Variants in DPP6 observed in about 807,000 individuals in gnomAD.
DPP6 encodes A-type potassium channel modulatory protein DPP6.
A neutral mutation model predicts 122.6 loss-of-function variants in DPP6; 69 were observed. That is an observed-to-expected ratio of 0.56 (90% confidence interval 0.46 to 0.69). The LOEUF (loss-of-function observed/expected upper bound fraction) is 0.69. Ranked by LOEUF, DPP6 falls within the 30% of genes least tolerant of loss-of-function variation. The pLI is 0.00. For synonymous variants in DPP6, 418 were observed against 433.1 expected, an observed-to-expected ratio of 0.97 and a Z score of 0.43; for missense variants, 928 against 1,116.9, an observed-to-expected ratio of 0.83 and a Z score of 2.41.
At chr7:154,093,775 G>A (rs1805103257) in intron 1 of DPP6, 1 of 152,212 alleles carries the variant, frequency 6.6e-6, no homozygotes, top group African/African-American at 2.4e-5. Flanking sequence ...CAGGCGTGAG[G>A]CAGGGAGGCG....
chr7:153,980,250 G>T (rs1048539387), intron 1 of DPP6, among the ~76,000 whole-genome samples: 6 of 151,944 alleles, frequency 3.9e-5, no homozygotes, highest in African/African-American at 1.5e-4. Context: ...TCAGGGATTT[G>T]ACTTCTTCGT....
chr7:154,769,609 T>G, intron 9 of DPP6, 38 bp downstream of exon 9: 4 of 1,522,604 alleles, frequency 2.6e-6, no homozygotes, highest in Non-Finnish European at 3.5e-6. Context: ...TTCTTTATAT[T>G]ATTCATGAAC....
Position 154,062,698 on chromosome 7 carries a change from C to T in DPP6, c.243+9635C>T, listed in dbSNP as rs1193809922. Among the ~76,000 whole-genome samples the T allele has an allele frequency of 1.2e-4, 8 of 66,266 alleles. 1 individual carries two copies. The highest frequency in any genetic ancestry group is 5.7e-4 in the Admixed American group (4 of 7,008). The allele number at this position is 66,266 out of a possible 152,430, so 43.5% of individuals were successfully genotyped here. ...GGGGACTGAGAGCTATCCTCTCTTC[C>T]GCACCTGGCTGTTGGTACCCCCATC... is the stretch of plus-strand genomic sequence containing the variant. On this transcript the variant is annotated intron_variant, in intron 1 of 25. Transcript: ENST00000377770.
intron 7 of DPP6, among the ~76,000 whole-genome samples, chr7:154,682,346 C>T (rs74618183): frequency 0.015 from 2,235 of 152,350 alleles, 53 homozygotes; most frequent in African/African-American, 0.051. Flanking sequence ...AACTTCTTGT[C>T]TTTCCAAGGA....
Position 154,313,712 on chromosome 7 carries a change from T to TATATATATATATATATATTC in DPP6, c.244-132499_244-132498insTATATATATATATATTCATA, listed in dbSNP as rs1554515587. ...ATATATATATATATATATATATATA[T>TATATATATATATATATATTC]ATACACACACACGCACGCACACACA... is the stretch of plus-strand genomic sequence containing the variant. On this transcript the variant is annotated intron_variant, in intron 1 of 25. Transcript: ENST00000377770. 2.0e-4 allele frequency among the ~76,000 whole-genome samples: 5 copies of TATATATATATATATATATTC among 24,922 alleles called. 1 individual carries two copies. Among genetic ancestry groups the TATATATATATATATATATTC allele is most frequent in the South Asian group, 4.8e-3 (2 of 416 alleles). The allele number at this position is 24,922 out of a possible 152,430, so 16.3% of individuals were successfully genotyped here.
chr7:154,401,530 T>C (rs964838636), intron 1 of DPP6, among the ~76,000 whole-genome samples: 1 of 152,230 alleles, frequency 6.6e-6, no homozygotes, highest in African/African-American at 2.4e-5. Context: ...AGATCCTTTC[T>C]GCTGAGCCAA....
intron 5 of DPP6, chr7:154,587,914 G>A (rs776454786): frequency 1.9e-6 from 3 of 1,612,920 alleles, no homozygotes; most frequent in East Asian, 2.2e-5. Flanking sequence ...GAGAGTCCCA[G>A]GAGGCAGGAC....
the DPP6 span, among the ~76,000 whole-genome samples, chr7:153,866,661 C>A: frequency 1.3e-4 from 20 of 152,038 alleles, 1 homozygote; most frequent in Admixed American, 1.2e-3. Context: ...TAATTAGATC[C>A]CATTTGTCAA....
chr7:154,830,385 G>A (rs1800539890), intron 16 of DPP6, among the ~76,000 whole-genome samples: 3 of 152,214 alleles, frequency 2.0e-5, no homozygotes, highest in Admixed American at 2.0e-4. Flanking sequence ...CATGCCGGGG[G>A]CAGTTTGGTC....
intron 8 of DPP6, among the ~76,000 whole-genome samples, chr7:154,731,913 G>A (rs540287893): frequency 6.6e-6 from 1 of 152,338 alleles, no homozygotes; most frequent in South Asian, 2.1e-4. Context: ...TTCCTAGTAT[G>A]TAGGCATATG....
At chr7:154,083,048 G>A (rs1254571557) in intron 1 of DPP6, among the ~76,000 whole-genome samples, 9 of 151,778 alleles carry the variant, frequency 5.9e-5, no homozygotes, top group Admixed American at 1.3e-4. Context: ...ACGGGGTTTC[G>A]CTGTGTTAGC....
At chr7:154,370,219 G>T (rs980657869) in intron 1 of DPP6, among the ~76,000 whole-genome samples, 1 of 152,126 alleles carries the variant, frequency 6.6e-6, no homozygotes, top group African/African-American at 2.4e-5. Context: ...CTGACCTCAG[G>T]TGATCTGCCT....
At chr7:154,581,281 G>A (rs1458084788) in intron 5 of DPP6, among the ~76,000 whole-genome samples, 1 of 152,204 alleles carries the variant, frequency 6.6e-6, no homozygotes, top group Non-Finnish European at 1.5e-5. Context: ...AAGGTGGAGG[G>A]AGAAGGGGCC....
chr7:154,016,692 GA>G (rs1451747877), intron 1 of DPP6, among the ~76,000 whole-genome samples: 3 of 152,178 alleles, frequency 2.0e-5, no homozygotes, highest in African/African-American at 7.2e-5. Flanking sequence ...CTGAGAGATT[GA>G]TCATTTGGTA....
At chr7:154,686,787 AT>A (rs918154573) in intron 7 of DPP6, among the ~76,000 whole-genome samples, 2 of 152,006 alleles carry the variant, frequency 1.3e-5, no homozygotes, top group East Asian at 3.9e-4. Context: ...ACGCTTCATT[AT>A]TTTTTTTATT....
intron 1 of DPP6, among the ~76,000 whole-genome samples, chr7:154,364,935 G>C (rs1207701864): frequency 1.3e-5 from 2 of 152,280 alleles, no homozygotes; most frequent in East Asian, 3.9e-4. Context: ...GAAGTCATAG[G>C]ATAAGCTTCT....
chr7:154,724,182 A>G (rs1291786311), intron 7 of DPP6, among the ~76,000 whole-genome samples: 2 of 152,234 alleles, frequency 1.3e-5, no homozygotes, highest in Non-Finnish European at 2.9e-5. Flanking sequence ...TCCCCAGGCC[A>G]TGTAATATGT....
chr7:154,423,319 G>A (rs551566679), intron 1 of DPP6, among the ~76,000 whole-genome samples: 1 of 152,314 alleles, frequency 6.6e-6, no homozygotes, highest in South Asian at 2.1e-4. Flanking sequence ...GATAATGTCG[G>A]TGGTGTCTGC....
In DPP6 at chr7:154,755,784, G is replaced by A. The variant is rs551619910; in HGVS notation, c.884-13633G>A. Among the ~76,000 whole-genome samples the A allele has an allele frequency of 7.6e-4, 115 of 152,314 alleles. 2 individuals carry two copies. The highest frequency in any genetic ancestry group is 2.6e-3 in the African/African-American group (108 of 41,568). On this transcript the variant is annotated intron_variant, in intron 8 of 25. Coordinates refer to ENST00000377770, the MANE Select transcript of DPP6 (RefSeq NM_130797.4). The surrounding 1 kb of genome is among the most constrained non-coding windows in gnomAD (Gnocchi z 4.7). Reference sequence around the variant, plus strand: ...AGAAGGAAAAGGTCAGGATGTTGCCGAGCCCTTGGGTTGGAAGAGGTCGGA... The same window carrying A: ...AGAAGGAAAAGGTCAGGATGTTGCCAAGCCCTTGGGTTGGAAGAGGTCGGA...
Sources: allele counts gnomAD v4.1 joint callset (sites outside exome capture counted in the v4.1 genomes callset), GRCh38; gene constraint gnomAD v4.1.1; non-coding constraint Gnocchi (gnomAD v3.1); transcripts MANE v1.5; gene names NCBI Gene and HGNC (gene_info 2026-07-23, HGNC 2026-07-21).